GPHN: variants seen among roughly 807,000 people sequenced by gnomAD.
GPHN encodes gephyrin.
Under a neutral mutation model 95.5 loss-of-function variants are expected in GPHN, and 17 were observed. The observed-to-expected ratio is 0.18, with a 90% confidence interval of 0.12 to 0.27. The LOEUF (loss-of-function observed/expected upper bound fraction) is 0.27, where lower values mean the gene tolerates loss of function less well. Among genes scored for constraint, GPHN ranks in the 10% least tolerant of loss-of-function variants. The pLI, the probability that GPHN is intolerant of heterozygous loss-of-function variation, is 1.00. For synonymous variants in GPHN, 320 were observed against 322.5 expected, an observed-to-expected ratio of 0.99 and a Z score of 0.08; for missense variants, 660 against 978.1, an observed-to-expected ratio of 0.67 and a Z score of 4.34.
intron 1 of GPHN, among the ~76,000 whole-genome samples, chr14:66,566,910 G>A (rs181216499): frequency 6.6e-6 from 1 of 152,248 alleles, no homozygotes; most frequent in East Asian, 1.9e-4. Context: ...GGCTGTAGAT[G>A]CTGACTGGAA....
At chr14:67,205,064 T>G in the GPHN span, 1 of 1,551,198 alleles carries the variant, frequency 6.4e-7, no homozygotes, top group Non-Finnish European at 8.7e-7. Context: ...AACAATGACT[T>G]AATCAGGGCC....
chr14:66,930,177 A>ATTTGT (rs1308709964), intron 8 of GPHN, among the ~76,000 whole-genome samples: 1 of 151,266 alleles, frequency 6.6e-6, no homozygotes, highest in Non-Finnish European at 1.5e-5. Flanking sequence ...CCATTTTATT[A>ATTTGT]TTTGTTTTGT....
At chr14:67,022,444 A>G (rs899041445) in intron 9 of GPHN, among the ~76,000 whole-genome samples, 1 of 151,798 alleles carries the variant, frequency 6.6e-6, no homozygotes, top group African/African-American at 2.4e-5. Context: ...GAATATAAGA[A>G]TATTATCTTC....
the GPHN span, among the ~76,000 whole-genome samples, chr14:67,239,525 G>C: frequency 6.6e-6 from 1 of 152,220 alleles, no homozygotes; most frequent in Non-Finnish European, 1.5e-5. Flanking sequence ...TGACGAGCTG[G>C]AGGAAGCTTC....
the GPHN span, among the ~76,000 whole-genome samples, chr14:67,382,910 T>C: frequency 4.1e-5 from 6 of 147,246 alleles, no homozygotes; most frequent in East Asian, 1.2e-3. Flanking sequence ...CGTGCGTGCG[T>C]GTGTGTGTGT....
chr14:66,639,702 C>T (rs1032220886), intron 1 of GPHN, among the ~76,000 whole-genome samples: 69 of 151,386 alleles, frequency 4.6e-4, no homozygotes, highest in Non-Finnish European at 1.0e-4. Context: ...AAGAGAATAG[C>T]TAGAAATATG....
the GPHN span, among the ~76,000 whole-genome samples, chr14:67,193,574 T>G: frequency 1.4e-5 from 2 of 144,312 alleles, no homozygotes; most frequent in Non-Finnish European, 3.0e-5. Flanking sequence ...TCTATATAGA[T>G]CTATATATAG....
the GPHN span, chr14:67,412,093 C>G: frequency 3.4e-6 from 5 of 1,489,256 alleles, no homozygotes; most frequent in African/African-American, 1.5e-5. Flanking sequence ...ACCCCAGGTG[C>G]GCCTTCCCCG....
At chr14:66,937,207 TTGCCCAGG>T (rs2067173864) in intron 8 of GPHN, among the ~76,000 whole-genome samples, 1 of 152,148 alleles carries the variant, frequency 6.6e-6, no homozygotes, top group Non-Finnish European at 1.5e-5. Context: ...TTTCATCATG[TTGCCCAGG>T]CTAGTCTCAA....
chr14:67,520,691 T>C, the GPHN span, among the ~76,000 whole-genome samples: 1 of 151,642 alleles, frequency 6.6e-6, no homozygotes, highest in Non-Finnish European at 1.5e-5. Flanking sequence ...CCTTTGGGCG[T>C]ACCACAGTTT....
intron 14 of GPHN, among the ~76,000 whole-genome samples, chr14:67,111,068 C>T (rs533987970): frequency 2.8e-4 from 42 of 152,308 alleles, no homozygotes; most frequent in African/African-American, 7.9e-4. Context: ...GAAAAATAAA[C>T]ATATATTCTC....
chr14:67,385,985 C>T, the GPHN span: 5 of 152,112 alleles, frequency 3.3e-5, no homozygotes, highest in Admixed American at 1.3e-4. Context: ...AGTACCTTGC[C>T]GAGACTTGTT....
At chr14:66,875,855 A>T (rs1419184049) in intron 4 of GPHN, among the ~76,000 whole-genome samples, 1 of 152,102 alleles carries the variant, frequency 6.6e-6, no homozygotes, top group South Asian at 2.1e-4. Flanking sequence ...GAGACAGAAA[A>T]TTAACAAGGA....
intron 1 of GPHN, among the ~76,000 whole-genome samples, chr14:66,511,980 TGAAAGTCAC>T (rs2058057322): frequency 6.6e-6 from 1 of 151,946 alleles, no homozygotes; most frequent in African/African-American, 2.4e-5. Context: ...TTGACAGAAA[TGAAAGTCAC>T]ATGGTGTTTG....
intron 10 of GPHN, among the ~76,000 whole-genome samples, chr14:67,056,646 A>C (rs1216352283): frequency 6.6e-6 from 1 of 152,240 alleles, no homozygotes; most frequent in Non-Finnish European, 1.5e-5. Flanking sequence ...CACCAGACTC[A>C]GGAGCCCAGC....
the GPHN span, among the ~76,000 whole-genome samples, chr14:67,235,112 C>T: frequency 4.6e-5 from 7 of 151,032 alleles, no homozygotes; most frequent in South Asian, 2.1e-4. Flanking sequence ...GCTGAGATCA[C>T]GCCACTGCAT....
At chr14:67,699,469 G>C in the GPHN span, among the ~76,000 whole-genome samples, 1 of 151,402 alleles carries the variant, frequency 6.6e-6, no homozygotes, top group East Asian at 1.9e-4. Context: ...GTGTGCCTTT[G>C]GTCCCAGCTA....
chr14:67,041,162 A>G (rs2074679591), intron 10 of GPHN, among the ~76,000 whole-genome samples: 1 of 152,214 alleles, frequency 6.6e-6, no homozygotes, highest in Non-Finnish European at 1.5e-5. Context: ...GAAAGGCATC[A>G]TAGCTCTACT....
chr14:66,557,459 A>G (rs558307897), intron 1 of GPHN, among the ~76,000 whole-genome samples: 1 of 152,322 alleles, frequency 6.6e-6, no homozygotes, highest in African/African-American at 2.4e-5. Flanking sequence ...TAGAATGCTT[A>G]TTTGAATTAT....
Sources: gnomAD v4.1 joint callset for allele counts (sites outside exome capture counted in the v4.1 genomes callset) on GRCh38, gnomAD v4.1.1 for gene constraint, MANE v1.5 for transcripts, NCBI Gene and HGNC (gene_info 2026-07-23, HGNC 2026-07-21) for gene names.